SLC39A11: variants seen among roughly 807,000 people sequenced by gnomAD.
SLC39A11 encodes the protein zinc transporter ZIP11.
In SLC39A11, 33 loss-of-function variants were observed where a neutral mutation model predicts 36.1. That is an observed-to-expected ratio of 0.91 (90% CI 0.69 to 1.22). The LOEUF is 1.22. Among genes scored for constraint, SLC39A11 ranks in the 50% most tolerant of loss-of-function variants. The pLI is 0.00. For synonymous variants in SLC39A11, 166 were observed against 170.3 expected (o/e 0.97, Z 0.20); for missense variants, 432 against 430.3 (o/e 1.00, Z -0.03).
intron 4 of SLC39A11, among the ~76,000 whole-genome samples, chr17:72,973,513 T>C (rs1003198037): frequency 6.6e-6 from 1 of 152,192 alleles, no homozygotes; most frequent in African/African-American, 2.4e-5. Flanking sequence ...GGCACATTGC[T>C]AGATCAAACA....
chr17:72,738,294 G>T (rs1298114913), intron 6 of SLC39A11, among the ~76,000 whole-genome samples: 1 of 152,154 alleles, frequency 6.6e-6, no homozygotes, highest in Non-Finnish European at 1.5e-5. Context: ...ATGAGCCACC[G>T]CACCTGGCCA....
intron 4 of SLC39A11, among the ~76,000 whole-genome samples, chr17:72,972,826 C>T (rs1568047936): frequency 6.6e-6 from 1 of 152,154 alleles, no homozygotes; most frequent in African/African-American, 2.4e-5. Flanking sequence ...AGTTGTCTGG[C>T]CTCCTGTCCT....
intron 7 of SLC39A11, chr17:72,663,807 A>G (rs1475302018): frequency 6.6e-6 from 1 of 151,528 alleles, no homozygotes; most frequent in African/African-American, 2.5e-5. Flanking sequence ...CTCCATCTGC[A>G]GCAAACACAT....
chr17:72,923,996 A>G (rs1421180310), intron 5 of SLC39A11, among the ~76,000 whole-genome samples: 1 of 151,820 alleles, frequency 6.6e-6, no homozygotes, highest in East Asian at 1.9e-4. Flanking sequence ...AATTTTTAAA[A>G]ATTACCCAGG....
intron 4 of SLC39A11, among the ~76,000 whole-genome samples, chr17:72,963,331 C>T (rs1012761007): frequency 3.3e-5 from 5 of 151,692 alleles, no homozygotes; most frequent in East Asian, 1.9e-4. Context: ...CCACCACGCC[C>T]GGCTAATTTT....
intron 6 of SLC39A11, among the ~76,000 whole-genome samples, chr17:72,832,158 C>T (rs1451412835): frequency 1.3e-5 from 2 of 152,140 alleles, no homozygotes; most frequent in Non-Finnish European, 2.9e-5. Context: ...TAGGATGAGC[C>T]GTGAATGAGG....
At chr17:72,684,013 G>A (rs1222212523) in intron 7 of SLC39A11, among the ~76,000 whole-genome samples, 1 of 152,186 alleles carries the variant, frequency 6.6e-6, no homozygotes, top group Non-Finnish European at 1.5e-5. Flanking sequence ...GGCTATTCAA[G>A]TGCTTAGAAG....
intron 7 of SLC39A11, among the ~76,000 whole-genome samples, chr17:72,692,273 A>C (rs1262312213): frequency 6.6e-6 from 1 of 152,168 alleles, no homozygotes; most frequent in Admixed American, 6.5e-5. Context: ...GGCCTCCCAA[A>C]GGGCTCAGAT....
At chr17:73,020,500 A>G (rs975214312) in intron 4 of SLC39A11, among the ~76,000 whole-genome samples, 1 of 152,116 alleles carries the variant, frequency 6.6e-6, no homozygotes, top group Non-Finnish European at 1.5e-5. Context: ...CAATTTAGAT[A>G]GCAGGAACCC....
intron 4 of SLC39A11, among the ~76,000 whole-genome samples, chr17:72,960,263 G>T (rs1250167252): frequency 6.6e-6 from 1 of 152,060 alleles, no homozygotes; most frequent in African/African-American, 2.4e-5. Context: ...AAATGTCTTT[G>T]TTTACCATCA....
chr17:72,974,244 C>T (rs970093075), intron 4 of SLC39A11, among the ~76,000 whole-genome samples: 9 of 152,006 alleles, frequency 5.9e-5, no homozygotes, highest in Non-Finnish European at 1.3e-4. Context: ...GGATTACAGG[C>T]GCCCGCCACC....
At chr17:72,821,627 G>T (rs2077787921) in intron 6 of SLC39A11, 1 of 149,448 alleles carries the variant, frequency 6.7e-6, no homozygotes, top group Non-Finnish European at 1.5e-5. Flanking sequence ...ACAATATAAT[G>T]TATAGGGATA....
intron 7 of SLC39A11, among the ~76,000 whole-genome samples, chr17:72,691,562 C>G (rs748909425): frequency 9.9e-5 from 15 of 152,152 alleles, no homozygotes; most frequent in Non-Finnish European, 1.9e-4. Flanking sequence ...AGTTCAGTGG[C>G]TGGATCAAAA....
At chr17:72,833,174 C>T (rs1188879227) in intron 6 of SLC39A11, among the ~76,000 whole-genome samples, 2 of 152,204 alleles carry the variant, frequency 1.3e-5, no homozygotes, top group African/African-American at 2.4e-5. Context: ...TCAGGCACTG[C>T]ATCTGGTTTA....
chr17:72,837,382 A>AAAAG (rs1455064996), intron 6 of SLC39A11, among the ~76,000 whole-genome samples: 4 of 148,254 alleles, frequency 2.7e-5, no homozygotes, highest in African/African-American at 1.0e-4. Flanking sequence ...AAAAAAAAAA[A>AAAAG]GCAGGACTCA....
chr17:72,728,095 G>T (rs184675663), intron 7 of SLC39A11, among the ~76,000 whole-genome samples: 13 of 152,190 alleles, frequency 8.5e-5, no homozygotes, highest in African/African-American at 3.1e-4. Context: ...ATTTAATGAT[G>T]AATATGGGCT....
chr17:72,736,203 C>T (rs2074420428), intron 7 of SLC39A11, among the ~76,000 whole-genome samples: 2 of 152,198 alleles, frequency 1.3e-5, no homozygotes, highest in Non-Finnish European at 2.9e-5. Context: ...CTCTTAAGAA[C>T]AGGCCATAGG....
chr17:72,740,056 CTTTTTTTTTT>C lies in SLC39A11; in HGVS notation c.602-3347_602-3338del, dbSNP rs386386565. Among the ~76,000 whole-genome samples, 13 of 81,470 alleles carry C rather than the reference CTTTTTTTTTT, an allele frequency of 1.6e-4. 1 individual carries two copies. The South Asian group carries it at 6.7e-3, about 42-fold the overall frequency. The allele number at this position is 81,470 out of a possible 152,430, so 53.4% of individuals were successfully genotyped here. On this transcript the variant is annotated intron_variant, in intron 6 of 9. Coordinates refer to ENST00000255559, the MANE Select transcript of SLC39A11 (RefSeq NM_139177.4). ...AGCTAGATAGAATTTCTTTCCTTTT[CTTTTTTTTTT>C]TTTTTTTTTTTTTTGAGATGGAGTC...
At chr17:72,915,483 G>A (rs1351309729) in intron 5 of SLC39A11, among the ~76,000 whole-genome samples, 3 of 152,114 alleles carry the variant, frequency 2.0e-5, no homozygotes, top group African/African-American at 4.8e-5. Context: ...GTGGTACAAC[G>A]TGGGCCTGGC....
Sources: gnomAD v4.1 joint callset for allele counts (sites outside exome capture counted in the v4.1 genomes callset) on GRCh38, gnomAD v4.1.1 for gene constraint, MANE v1.5 for transcripts, NCBI Gene and HGNC (gene_info 2026-07-23, HGNC 2026-07-21) for gene names.